ANKRD31: variants seen among roughly 807,000 people sequenced by gnomAD.
ANKRD31 encodes ankyrin repeat domain 31.
Under a neutral mutation model 186.0 loss-of-function variants are expected in ANKRD31, and 147 were observed. The observed-to-expected ratio is 0.79, with a 90% CI of 0.69 to 0.91. The LOEUF (loss-of-function observed/expected upper bound fraction) is 0.91. ANKRD31 is among the 40% of genes least tolerant of loss of function. The pLI is 0.00. For missense variants in ANKRD31, 1,986 were observed against 2,148.8 expected (o/e 0.92, Z 1.50); for synonymous variants, 673 against 736.4 (o/e 0.91, Z 1.39).
At chr5:75,165,478 C>T (rs188503957) in intron 11 of ANKRD31, among the ~76,000 whole-genome samples, 20 of 152,024 alleles carry the variant, frequency 1.3e-4, no homozygotes, top group Non-Finnish European at 2.2e-4. Flanking sequence ...AGGTAGAGAA[C>T]GAAAGTTAAG....
At chr5:75,113,500 C>CTTT (rs1311096749) in intron 19 of ANKRD31, among the ~76,000 whole-genome samples, 1 of 152,010 alleles carries the variant, frequency 6.6e-6, no homozygotes, top group Non-Finnish European at 1.5e-5. Context: ...AGAAGCATGC[C>CTTT]TTTTATATTT....
At chr5:75,137,542 C>A (rs1362394563) in intron 17 of ANKRD31, among the ~76,000 whole-genome samples, 1 of 152,050 alleles carries the variant, frequency 6.6e-6, no homozygotes, top group Non-Finnish European at 1.5e-5. Context: ...TAATTAGACT[C>A]TTCTGTGCAC....
At chr5:75,179,750 T>A (rs2150215209) in intron 10 of ANKRD31, among the ~76,000 whole-genome samples, 1 of 152,278 alleles carries the variant, frequency 6.6e-6, no homozygotes, top group South Asian at 2.1e-4. Context: ...ATAAGAGCTA[T>A]CTATGACAAA....
intron 12 of ANKRD31, among the ~76,000 whole-genome samples, chr5:75,153,134 C>T (rs1323721577): frequency 1.3e-5 from 2 of 152,018 alleles, no homozygotes; most frequent in African/African-American, 4.8e-5. Context: ...GCTAATGTGG[C>T]AAGTAGCTAA....
At chr5:75,150,817 T>C (rs1253328943) in intron 12 of ANKRD31, among the ~76,000 whole-genome samples, 1 of 152,024 alleles carries the variant, frequency 6.6e-6, no homozygotes, top group Admixed American at 6.6e-5. Context: ...AATTTAAAAA[T>C]ATACTTTTGC....
At chr5:75,079,900 C>T (rs940387860) in intron 25 of ANKRD31, among the ~76,000 whole-genome samples, 2 of 151,948 alleles carry the variant, frequency 1.3e-5, no homozygotes, top group Non-Finnish European at 2.9e-5. Flanking sequence ...CTCAGGAGTT[C>T]GAGACCAGCC....
intron 3 of ANKRD31, among the ~76,000 whole-genome samples, chr5:75,211,950 G>A (rs1380728771): frequency 6.6e-6 from 1 of 151,972 alleles, no homozygotes; most frequent in Admixed American, 6.6e-5. Context: ...TGTTGGTGGT[G>A]TCCTTTGACG....
intron 10 of ANKRD31, 36 bp downstream of exon 10, chr5:75,188,457 C>A (rs1406580038): frequency 6.6e-7 from 1 of 1,519,494 alleles, no homozygotes; most frequent in East Asian, 2.5e-5. Context: ...CTACAAACCA[C>A]TCTTAAGGTA....
chr5:75,225,277 T>C (rs1274789049), intron 2 of ANKRD31: 2 of 152,188 alleles, frequency 1.3e-5, no homozygotes, highest in Non-Finnish European at 2.9e-5. Context: ...TTAAATAGGG[T>C]ACATTCATAC....
chr5:75,169,121 C>T lies in ANKRD31; in HGVS notation c.1565G>A (p.Gly522Asp), dbSNP rs1234147967. 2.6e-6 allele frequency: 4 copies of T among 1,534,674 alleles called. No homozygotes were observed. The highest frequency in any genetic ancestry group is 3.5e-6 in the Non-Finnish European group (4 of 1,144,994). ...ACTAGCTTCATGAAGTGCTGTCCAA[C>T]CTATCATACAAAAAGATACGGCATT... is the stretch of plus-strand genomic sequence containing the variant. ...GGNVNQPSYAGWTALHEASVG... is the reference protein window; with the variant it reads ...GGNVNQPSYADWTALHEASVG... Residue 522 changes from glycine to aspartate, a missense_variant and splice_region_variant, in exon 11 of 26, where the codon GGT (glycine) becomes GAT (aspartate). Coordinates refer to ENST00000506364, the MANE Select transcript of ANKRD31 (RefSeq NM_001372053.1).
chr5:75,221,185 GGGA>G (rs769946951), intron 3 of ANKRD31, among the ~76,000 whole-genome samples: 3 of 151,962 alleles, frequency 2.0e-5, no homozygotes, highest in Non-Finnish European at 4.4e-5. Context: ...GGAGAATGAT[GGGA>G]GAAGGAAAAG....
chr5:75,173,207 T>C (rs1345195461), intron 10 of ANKRD31, among the ~76,000 whole-genome samples: 1 of 152,158 alleles, frequency 6.6e-6, no homozygotes, highest in African/African-American at 2.4e-5. Context: ...CTAAAAACTC[T>C]CAATAAACTA....
chr5:75,171,455 G>A (rs1355833234), intron 10 of ANKRD31, among the ~76,000 whole-genome samples: 2 of 151,892 alleles, frequency 1.3e-5, no homozygotes, highest in Non-Finnish European at 2.9e-5. Context: ...TCTGTGAGAT[G>A]CAACTATTAA....
chr5:75,074,712 G>A (rs1007493935), intron 25 of ANKRD31, among the ~76,000 whole-genome samples: 9 of 152,064 alleles, frequency 5.9e-5, no homozygotes, highest in African/African-American at 2.2e-4. Context: ...ATGTACCCCT[G>A]AACCTAAAAT....
At chr5:75,197,860 T>G (rs1453234016) in intron 6 of ANKRD31, among the ~76,000 whole-genome samples, 2 of 152,196 alleles carry the variant, frequency 1.3e-5, no homozygotes, top group East Asian at 3.9e-4. Context: ...AGCAGTTGCA[T>G]TTATAACCAC....
Position 75,146,731 on chromosome 5 carries a change from C to G in ANKRD31, c.2680G>C (p.Val894Leu). 6.5e-7 allele frequency: 1 copy of G among 1,536,214 alleles called. No homozygotes were observed. The part of the protein sequence containing the change: ...NKWENSFLSF[V>L]KENSDNDDDD... ...TCATCATTATCAGAATTTTCCTTTACAAAGGATAGGAAAGAATTTTCCCAT... is the reference window on the plus strand; with the variant it reads ...TCATCATTATCAGAATTTTCCTTTAGAAAGGATAGGAAAGAATTTTCCCAT... Residue 894 changes from valine to leucine, a missense_variant, in exon 14 of 26, where the codon GTA (valine) becomes CTA (leucine). Physicochemically the swap from Val to Leu is conservative, Grantham distance 32. Transcript: ENST00000506364.
At chr5:75,186,377 T>C (rs778018439) in intron 10 of ANKRD31, among the ~76,000 whole-genome samples, 8 of 152,206 alleles carry the variant, frequency 5.3e-5, no homozygotes, top group Non-Finnish European at 8.8e-5. Flanking sequence ...CTCACAGAAG[T>C]ATAAAGCGCA....
chr5:75,154,064 G>A (rs1340739993), intron 12 of ANKRD31, 137 bp downstream of exon 12: 2 of 837,528 alleles, frequency 2.4e-6, no homozygotes, highest in Non-Finnish European at 3.3e-6. Context: ...TTTATTAACA[G>A]AATGAAGAAA....
intron 10 of ANKRD31, among the ~76,000 whole-genome samples, chr5:75,178,799 A>G (rs1754031836): frequency 1.3e-5 from 2 of 152,240 alleles, no homozygotes; most frequent in African/African-American, 4.8e-5. Context: ...TCTAAAATTG[A>G]CACCCTAACT....
Sources: gnomAD v4.1 joint callset for allele counts (sites outside exome capture counted in the v4.1 genomes callset) on GRCh38, gnomAD v4.1.1 for gene constraint, MANE v1.5 for transcripts, NCBI Gene and HGNC (gene_info 2026-07-23, HGNC 2026-07-21) for gene names.